Variants in CLVS2 observed in about 807,000 individuals in gnomAD.
CLVS2 encodes the protein clavesin-2.
CLVS2 carries 19 observed loss-of-function variants against 29.0 expected under a neutral mutation model. The ratio of observed to expected loss-of-function variants is 0.66; its 90% CI spans 0.46 to 0.96. The LOEUF (loss-of-function observed/expected upper bound fraction) is 0.96. Ranked by LOEUF, CLVS2 falls within the 40% of genes least tolerant of loss-of-function variation. The pLI is 0.00. For synonymous variants in CLVS2, 161 were observed against 151.3 expected, an observed-to-expected ratio of 1.06 and a Z score of -0.47; for missense variants, 294 against 404.1, an observed-to-expected ratio of 0.73 and a Z score of 2.34.
chr6:123,054,305 A>G (rs1017619688), intron 4 of CLVS2, among the ~76,000 whole-genome samples: 1 of 152,218 alleles, frequency 6.6e-6, no homozygotes, highest in Non-Finnish European at 1.5e-5. Context: ...GGATATAAAT[A>G]CTGGCTGTTG....
In CLVS2 at chr6:123,063,741, C is replaced by A; in HGVS notation, c.964C>A (p.Pro322Thr). Residue 322 changes from proline to threonine, a missense_variant, in exon 6 of 6, where the codon CCA becomes ACA. By Grantham distance (38) the Pro-to-Thr change is conservative (BLOSUM62 -1). Coordinates refer to ENST00000275162, the MANE Select transcript of CLVS2 (RefSeq NM_001010852.4). ...TAAAAATGAGGAAGAAAACATGCAA[C>A]CATTGCTTTCTCTGGACTAATAACT... Reference protein sequence around the residue: ...MDKNEEENMQPLLSLD With the variant: ...MDKNEEENMQTLLSLD 2 of 1,608,358 alleles carry A rather than the reference C, an allele frequency of 1.2e-6. No homozygotes were observed. The highest frequency in any genetic ancestry group is 1.1e-5 in the South Asian group (1 of 90,902).
In CLVS2 at chr6:122,997,380, GGAAGA is replaced by G. The variant is rs1459225523; in HGVS notation, c.-386_-382del. The G allele has an allele frequency of 1.2e-4, 24 of 200,660 alleles. No individual in the cohort carries two copies. The highest frequency in any genetic ancestry group is 4.5e-5 in the Non-Finnish European group (4 of 88,212). The allele number at this position is 200,660 out of a possible 1,614,324, so 12.4% of individuals were successfully genotyped here. A position where few individuals can be genotyped will look rare whatever the true frequency, so the allele number is the denominator to read the frequency against. On this transcript the variant is annotated 5_prime_UTR_variant, in exon 2 of 6. It introduces an in-frame stop codon into an upstream open reading frame of the 5' UTR. Coordinates refer to ENST00000275162, the MANE Select transcript of CLVS2 (RefSeq NM_001010852.4). ...GTGGGGGTTGTTTTTGTTACATCTT[GGAAGA>G]GAAGAGAAGAGGACAGTACCAAGAT...
chr6:123,005,724 A>AG (rs1201329420), intron 2 of CLVS2, among the ~76,000 whole-genome samples: 4 of 152,116 alleles, frequency 2.6e-5, no homozygotes, highest in Non-Finnish European at 2.9e-5. Flanking sequence ...TAAAAAATTG[A>AG]GGGGGCTCCT....
rs141737860 is a variant in CLVS2, at chr6:123,054,913, T to C, written c.676-893T>C. Among the ~76,000 whole-genome samples, 312 of 152,168 alleles carry C rather than the reference T, an allele frequency of 2.1e-3. 1 individual carries two copies. Among genetic ancestry groups the C allele is most frequent in the South Asian group, 0.016 (75 of 4,824 alleles). On this transcript the variant is annotated intron_variant, in intron 4 of 5. Coordinates refer to ENST00000275162, the MANE Select transcript of CLVS2 (RefSeq NM_001010852.4). ...TTTCAATAAACAGAGTCATCTATTA[T>C]ACCCATTGCTACTGAGGGTTAAAGA...
At position 123,072,276 on chromosome 6, in the gene CLVS2, C is replaced by A. The variant is rs1244407936; in HGVS notation, c.*8515C>A. On this transcript the variant is annotated 3_prime_UTR_variant, in exon 6 of 6. Transcript: ENST00000275162. ...AGGTGATGTTGAAGAAGAAATATAACCTGAAATATAAGAATAGATGTTTGA... is the reference window on the plus strand; with the variant it reads ...AGGTGATGTTGAAGAAGAAATATAAACTGAAATATAAGAATAGATGTTTGA... 6.6e-6 allele frequency: 1 copy of A among 151,986 alleles called. No individual in the cohort carries two copies. Among genetic ancestry groups the A allele is most frequent in the Non-Finnish European group, 1.5e-5 (1 of 67,958 alleles). 9.4% of individuals were successfully genotyped at this position (151,986 alleles called of 1,614,324 possible). A position where few individuals can be genotyped will look rare whatever the true frequency, so the allele number is the denominator to read the frequency against.
chr6:123,007,298 C>A (rs1046626116), intron 2 of CLVS2, among the ~76,000 whole-genome samples: 8 of 152,142 alleles, frequency 5.3e-5, no homozygotes, highest in African/African-American at 1.9e-4. Context: ...TTATTATCAT[C>A]ATTTTTAAAA....
intron 3 of CLVS2, 131 bp from the exon 4 acceptor site, chr6:123,048,491 C>G (rs1309974904): frequency 1.7e-6 from 1 of 579,414 alleles, no homozygotes. Flanking sequence ...TTCTTCTTTT[C>G]TCTCCTTAAC....
chr6:123,064,129 C>G lies in CLVS2; in HGVS notation c.*368C>G, dbSNP rs12663841. On this transcript the variant is annotated 3_prime_UTR_variant, in exon 6 of 6. Coordinates refer to ENST00000275162, the MANE Select transcript of CLVS2 (RefSeq NM_001010852.4). The stretch of plus-strand genomic sequence containing the variant: ...GTCAAAGCTAATTAAATGTAGCCCT[C>G]TTTCCTATGAAGCCATATTTCAGCT... 759 of 162,156 alleles carry G rather than the reference C, an allele frequency of 4.7e-3. 38 individuals are homozygous for G. In the East Asian group the frequency reaches 0.12, roughly 26 times the overall value. The allele number at this position is 162,156 out of a possible 1,614,324, so 10.0% of individuals were successfully genotyped here. A position where few individuals can be genotyped will look rare whatever the true frequency, so the allele number is the denominator to read the frequency against.
chr6:123,049,804 T>TGGGGGGGGG (rs531705671), intron 4 of CLVS2, among the ~76,000 whole-genome samples: 27 of 118,850 alleles, frequency 2.3e-4, no homozygotes, highest in Non-Finnish European at 3.0e-4. Flanking sequence ...TGTTGTGGGA[T>TGGGGGGGGG]GGGGGGCGGG....
At chr6:123,013,785 T>C (rs1774787210) in intron 3 of CLVS2, among the ~76,000 whole-genome samples, 1 of 152,038 alleles carries the variant, frequency 6.6e-6, no homozygotes, top group Admixed American at 6.6e-5. Flanking sequence ...GCATTAGGTA[T>C]ATCTCCTAAT....
chr6:123,015,968 A>T (rs1276959512), intron 3 of CLVS2, among the ~76,000 whole-genome samples: 1 of 148,864 alleles, frequency 6.7e-6, no homozygotes, highest in Non-Finnish European at 1.5e-5. Context: ...AAAGACAGCA[A>T]CCATTTTTAC....
chr6:123,049,448 T>C (rs567353673), intron 4 of CLVS2, among the ~76,000 whole-genome samples: 124 of 152,124 alleles, frequency 8.2e-4, no homozygotes, highest in Non-Finnish European at 1.5e-3. Context: ...CTCTGAAAAG[T>C]AAATTTAGTA....
At chr6:123,007,060 G>A (rs576491526) in intron 2 of CLVS2, among the ~76,000 whole-genome samples, 9 of 152,276 alleles carry the variant, frequency 5.9e-5, no homozygotes, top group African/African-American at 2.2e-4. Context: ...TATATGTCAA[G>A]TACTGTTAAA....
At chr6:123,018,754 T>C (rs1774879103) in intron 3 of CLVS2, among the ~76,000 whole-genome samples, 1 of 151,266 alleles carries the variant, frequency 6.6e-6, no homozygotes, top group African/African-American at 2.4e-5. Context: ...ACAAGAGAAA[T>C]GCCTCTTTGG....
At chr6:123,005,676 TTGCATG>T (rs1774657615) in intron 2 of CLVS2, among the ~76,000 whole-genome samples, 1 of 151,992 alleles carries the variant, frequency 6.6e-6, no homozygotes, top group Non-Finnish European at 1.5e-5. Context: ...ACCAAAAAAA[TTGCATG>T]GCCAGAGGCA....
At chr6:123,004,292 T>G (rs1451915013) in intron 2 of CLVS2, among the ~76,000 whole-genome samples, 1 of 152,242 alleles carries the variant, frequency 6.6e-6, no homozygotes, top group Non-Finnish European at 1.5e-5. Flanking sequence ...TTTACCCGTC[T>G]TCTTCAGAGA....
At chr6:123,055,280 T>G (rs1234454277) in intron 4 of CLVS2, among the ~76,000 whole-genome samples, 1 of 150,666 alleles carries the variant, frequency 6.6e-6, no homozygotes, top group Non-Finnish European at 1.5e-5. Flanking sequence ...TCACCCACTT[T>G]GCATTATAAA....
At chr6:123,025,881 T>A (rs1774993781) in intron 3 of CLVS2, among the ~76,000 whole-genome samples, 1 of 152,186 alleles carries the variant, frequency 6.6e-6, no homozygotes, top group Non-Finnish European at 1.5e-5. Context: ...GTTTTGCTCC[T>A]GAGATCACTC....
intron 3 of CLVS2, among the ~76,000 whole-genome samples, chr6:123,034,681 A>C (rs1775126050): frequency 1.3e-5 from 2 of 152,110 alleles, no homozygotes; most frequent in Admixed American, 1.3e-4. Context: ...ATAGATAATA[A>C]ATTGCCTAGA....
Sources: allele counts gnomAD v4.1 joint callset (sites outside exome capture counted in the v4.1 genomes callset), GRCh38; gene constraint gnomAD v4.1.1; transcripts MANE v1.5; gene names NCBI Gene and HGNC (gene_info 2026-07-23, HGNC 2026-07-21).